The following USP37 variants were observed in gnomAD, a reference collection of about 807,000 sequenced individuals.
The protein encoded by USP37 is ubiquitin carboxyl-terminal hydrolase 37.
Under a neutral mutation model 124.0 loss-of-function variants are expected in USP37, and 27 were observed. That is an observed-to-expected ratio of 0.22 (90% CI 0.16 to 0.30). USP37 has a LOEUF of 0.30. Ranked by LOEUF, USP37 falls within the 10% of genes least tolerant of loss-of-function variation. The pLI, the probability that USP37 is intolerant of heterozygous loss-of-function variation, is 1.00. For synonymous variants in USP37, 365 were observed against 388.0 expected, an observed-to-expected ratio of 0.94 and a Z score of 0.70; for missense variants, 889 against 1,140.4, an observed-to-expected ratio of 0.78 and a Z score of 3.17.
chr2:218,513,034 T>A (rs544084462), intron 10 of USP37, among the ~76,000 whole-genome samples: 1 of 152,210 alleles, frequency 6.6e-6, no homozygotes, highest in African/African-American at 2.4e-5. Context: ...CCTTTATGCC[T>A]TCTTTTAGAA....
intron 11 of USP37, among the ~76,000 whole-genome samples, chr2:218,508,423 C>T (rs75202414): frequency 0.014 from 2,136 of 152,112 alleles, 39 homozygotes; most frequent in African/African-American, 0.049. Flanking sequence ...GAAAGAAACA[C>T]TGAAGAAGCC....
In USP37 at chr2:218,451,710, G is replaced by A. The variant is rs1161604516; in HGVS notation, c.*3220C>T. The A allele has an allele frequency of 1.3e-5, 2 of 152,238 alleles. No homozygotes were observed. Among genetic ancestry groups the A allele is most frequent in the African/African-American group, 4.8e-5 (2 of 41,416 alleles). 9.4% of individuals were successfully genotyped at this position (152,238 alleles called of 1,614,324 possible). A position where few individuals can be genotyped will look rare whatever the true frequency, so the allele number is the denominator to read the frequency against. On this transcript the variant is annotated 3_prime_UTR_variant, in exon 26 of 26. Transcript: ENST00000258399. The stretch of plus-strand genomic sequence containing the variant: ...TTTCAGAATTTTATACTTGATCAAG[G>A]AGAAAAATAAATGTGTAGTCTAACA...
intron 11 of USP37, among the ~76,000 whole-genome samples, chr2:218,504,503 G>T (rs190188771): frequency 6.6e-6 from 1 of 152,284 alleles, no homozygotes; most frequent in Non-Finnish European, 1.5e-5. Context: ...ATAGCTCACT[G>T]AAACTTTAAA....
chr2:218,487,340 G>A (rs1003997024), intron 15 of USP37, among the ~76,000 whole-genome samples: 5 of 152,126 alleles, frequency 3.3e-5, no homozygotes, highest in African/African-American at 4.8e-5. Context: ...ACCAACTTAC[G>A]TGATATCTAC....
chr2:218,556,867 T>C (rs1416357485), intron 4 of USP37, among the ~76,000 whole-genome samples: 1 of 151,884 alleles, frequency 6.6e-6, no homozygotes, highest in Non-Finnish European at 1.5e-5. Flanking sequence ...CTGTGTATAC[T>C]TACCAGCCCC....
At chr2:218,544,430 T>TATATATATATAGAG (rs377397246) in intron 8 of USP37, among the ~76,000 whole-genome samples, 3 of 50,806 alleles carry the variant, frequency 5.9e-5, no homozygotes, top group African/African-American at 4.0e-4. Flanking sequence ...TATATATATA[T>TATATATATATAGAG]AGAGAGAGAG....
At chr2:218,455,147 AT>A in intron 25 of USP37, 130 bp from the exon 26 acceptor site, 1 of 1,135,058 alleles carries the variant, frequency 8.8e-7, no homozygotes. Context: ...CCTGTATTTT[AT>A]TTAAAAAGCA....
intron 4 of USP37, among the ~76,000 whole-genome samples, chr2:218,555,186 T>C (rs957076526): frequency 1.3e-5 from 2 of 152,216 alleles, no homozygotes; most frequent in African/African-American, 4.8e-5. Context: ...GCAGCCTTAT[T>C]CTCTAATGTT....
chr2:218,499,315 G>T (rs997099636), intron 11 of USP37, among the ~76,000 whole-genome samples: 11 of 151,860 alleles, frequency 7.2e-5, no homozygotes, highest in African/African-American at 2.7e-4. Flanking sequence ...TTTTAATTTA[G>T]AAATAAATTT....
intron 8 of USP37, among the ~76,000 whole-genome samples, chr2:218,539,546 C>T (rs543328878): frequency 9.9e-4 from 150 of 151,704 alleles, no homozygotes; most frequent in Non-Finnish European, 1.8e-3. Flanking sequence ...GAAACCCCGT[C>T]TCTACAAAAA....
At chr2:218,541,375 G>A (rs1332792824) in intron 8 of USP37, among the ~76,000 whole-genome samples, 7 of 152,124 alleles carry the variant, frequency 4.6e-5, no homozygotes, top group South Asian at 2.1e-4. Context: ...TATATAACGA[G>A]GGCAGTGAGG....
intron 10 of USP37, among the ~76,000 whole-genome samples, chr2:218,514,704 T>C (rs1015342407): frequency 2.0e-5 from 3 of 152,218 alleles, no homozygotes; most frequent in African/African-American, 7.2e-5. Context: ...CATCAAACTT[T>C]TGTCCACTAA....
intron 20 of USP37, among the ~76,000 whole-genome samples, chr2:218,468,672 TACC>T (rs1690504402): frequency 6.6e-6 from 1 of 152,202 alleles, no homozygotes; most frequent in Non-Finnish European, 1.5e-5. Context: ...ATACGCTCTT[TACC>T]TGCCCTAGTA....
intron 10 of USP37, chr2:218,528,385 T>C (rs1282090790): frequency 6.3e-6 from 1 of 158,896 alleles, no homozygotes; most frequent in African/African-American, 2.4e-5. Context: ...CAACCCATCA[T>C]CTACATTAGG....
At chr2:218,521,213 T>C (rs1262554026) in intron 10 of USP37, among the ~76,000 whole-genome samples, 1 of 152,202 alleles carries the variant, frequency 6.6e-6, no homozygotes, top group East Asian at 1.9e-4. Context: ...TAAACCTCTT[T>C]TCTTTATAAA....
chr2:218,562,538 T>C, intron 2 of USP37, 135 bp downstream of exon 2: 1 of 391,482 alleles, frequency 2.6e-6, no homozygotes, highest in Non-Finnish European at 4.5e-6. Flanking sequence ...ACATCCTTAA[T>C]CAGAGAGCAT....
At chr2:218,512,122 G>A (rs1690034845) in intron 10 of USP37, among the ~76,000 whole-genome samples, 1 of 152,120 alleles carries the variant, frequency 6.6e-6, no homozygotes, top group Non-Finnish European at 1.5e-5. Context: ...GGTGGCTTAT[G>A]CCTGTAACCC....
At chr2:218,493,816 C>G (rs573029208) in intron 14 of USP37, among the ~76,000 whole-genome samples, 1 of 152,202 alleles carries the variant, frequency 6.6e-6, no homozygotes, top group Non-Finnish European at 1.5e-5. Flanking sequence ...ATCCCACTGT[C>G]CAGCTCCCCA....
intron 5 of USP37, among the ~76,000 whole-genome samples, chr2:218,551,157 T>C (rs1574956914): frequency 6.6e-6 from 1 of 152,348 alleles, no homozygotes; most frequent in Non-Finnish European, 1.5e-5. Context: ...CTTTATCAAA[T>C]ATTAGTCTTT....
Sources: allele counts gnomAD v4.1 joint callset (sites outside exome capture counted in the v4.1 genomes callset), GRCh38; gene constraint gnomAD v4.1.1; transcripts MANE v1.5; gene names NCBI Gene and HGNC (gene_info 2026-07-23, HGNC 2026-07-21).